The following STAM2 variants were observed in gnomAD, a reference collection of about 807,000 sequenced individuals.
STAM2 encodes signal transducing adapter molecule 2.
In STAM2, 51 loss-of-function variants were observed where a neutral mutation model predicts 65.6. The ratio of observed to expected loss-of-function variants is 0.78; its 90% CI spans 0.62 to 0.98. STAM2 has a LOEUF of 0.98. Among genes scored for constraint, STAM2 ranks in the 50% least tolerant of loss-of-function variants. STAM2 has a pLI of 0.00. For synonymous variants in STAM2, 198 were observed against 208.4 expected (o/e 0.95, Z 0.43); for missense variants, 584 against 617.8 (o/e 0.95, Z 0.58).
At chr2:152,152,119 T>G (rs1689457089) in intron 1 of STAM2, among the ~76,000 whole-genome samples, 1 of 152,176 alleles carries the variant, frequency 6.6e-6, no homozygotes, top group Non-Finnish European at 1.5e-5. Flanking sequence ...TTTCGTATTT[T>G]TTGTGGAGAC....
intron 1 of STAM2, among the ~76,000 whole-genome samples, chr2:152,160,736 G>A (rs1187219460): frequency 4.0e-5 from 6 of 149,622 alleles, no homozygotes; most frequent in East Asian, 2.0e-4. Flanking sequence ...TGCCCCATCC[G>A]GGAGGTGAGG....
intron 1 of STAM2, among the ~76,000 whole-genome samples, chr2:152,158,195 G>A (rs1387726776): frequency 1.3e-5 from 2 of 152,106 alleles, no homozygotes; most frequent in Admixed American, 6.6e-5. Flanking sequence ...TCATTAAATG[G>A]GCTGGGCGTG....
chr2:152,154,231 A>C (rs1418823206), intron 1 of STAM2, among the ~76,000 whole-genome samples: 1 of 152,138 alleles, frequency 6.6e-6, no homozygotes, highest in African/African-American at 2.4e-5. Flanking sequence ...TGGTGGAAAG[A>C]CTAGCTAGTC....
chr2:152,154,970 A>G (rs569790885), intron 1 of STAM2, among the ~76,000 whole-genome samples: 1 of 152,312 alleles, frequency 6.6e-6, no homozygotes, highest in East Asian at 1.9e-4. Context: ...TTGGTGACTC[A>G]CATAGACTAA....
intron 2 of STAM2, 81 bp from the exon 3 acceptor site, chr2:152,148,381 C>T (rs956019195): frequency 8.6e-7 from 1 of 1,160,736 alleles, no homozygotes; most frequent in Non-Finnish European, 1.2e-6. Flanking sequence ...ATTCTATTAC[C>T]AAATAATTTT....
At chr2:152,124,278 A>G (rs937129915) in intron 12 of STAM2, 3 of 192,322 alleles carry the variant, frequency 1.6e-5, no homozygotes, top group Non-Finnish European at 3.2e-5. Context: ...ACTCCCTTGA[A>G]GGGAAGCCCA....
chr2:152,167,647 C>T (rs1017180033), intron 1 of STAM2, among the ~76,000 whole-genome samples: 1 of 152,112 alleles, frequency 6.6e-6, no homozygotes, highest in African/African-American at 2.4e-5. Flanking sequence ...ATAATCCCAG[C>T]ACTTTGGGAG....
chr2:152,158,916 A>G (rs1297880766), intron 1 of STAM2, among the ~76,000 whole-genome samples: 6 of 151,374 alleles, frequency 4.0e-5, no homozygotes, highest in Non-Finnish European at 8.8e-5. Context: ...CCATCCCCCA[A>G]TACTGTTGCA....
At chr2:152,157,525 A>G (rs375734707) in intron 1 of STAM2, among the ~76,000 whole-genome samples, 1 of 152,228 alleles carries the variant, frequency 6.6e-6, no homozygotes, top group South Asian at 2.1e-4. Context: ...GAAAAGCCAT[A>G]TGAGGGCACA....
rs185587852 is a variant in STAM2, at chr2:152,155,773, T to C, written c.41-5544A>G. On this transcript the variant is annotated intron_variant, in intron 1 of 13. Transcript: ENST00000263904. Reference sequence around the variant, plus strand: ...CCTGAAGATTAAATATCTACCCACATTCTTTTCTGTATATTATTCCCCTTT... The same window carrying C: ...CCTGAAGATTAAATATCTACCCACACTCTTTTCTGTATATTATTCCCCTTT... Among the ~76,000 whole-genome samples, 334 of 152,348 alleles carry C rather than the reference T, an allele frequency of 2.2e-3. 8 individuals carry two copies. The highest frequency in any genetic ancestry group is 5.1e-4 in the Non-Finnish European group (35 of 68,022).
intron 7 of STAM2, among the ~76,000 whole-genome samples, chr2:152,140,435 T>C (rs1427946194): frequency 6.6e-6 from 1 of 152,252 alleles, no homozygotes; most frequent in Non-Finnish European, 1.5e-5. Flanking sequence ...TTTTAACTAC[T>C]GATTTCTTAA....
At chr2:152,123,717 A>G in intron 13 of STAM2, 49 bp downstream of exon 13, 1 of 1,561,676 alleles carries the variant, frequency 6.4e-7, no homozygotes, top group Non-Finnish European at 8.8e-7. Context: ...CATTCTGAAA[A>G]TCTAGGAAAA....
In STAM2 at chr2:152,117,793, AT is replaced by A. The variant is rs1688775900; in HGVS notation, c.*2780del. 6.6e-6 allele frequency: 1 copy of A among 152,172 alleles called. No homozygotes were observed. The highest frequency in any genetic ancestry group is 6.5e-5 in the Admixed American group (1 of 15,274). The allele number at this position is 152,172 out of a possible 1,614,324, so 9.4% of individuals were successfully genotyped here. On this transcript the variant is annotated 3_prime_UTR_variant, in exon 14 of 14. Transcript: ENST00000263904. Reference sequence around the variant, plus strand: ...AAAACATTTAAAATTGATTTTTTAAATTTTGAAAGTGAAATTATAACCATCT... The same window carrying A: ...AAAACATTTAAAATTGATTTTTTAAATTTGAAAGTGAAATTATAACCATCT...
chr2:152,125,539 T>C (rs1372328590), intron 12 of STAM2, among the ~76,000 whole-genome samples: 1 of 152,114 alleles, frequency 6.6e-6, no homozygotes, highest in Non-Finnish European at 1.5e-5. Context: ...ATGGGGATAC[T>C]GACAAATGTA....
chr2:152,153,108 T>C (rs1689477710), intron 1 of STAM2, among the ~76,000 whole-genome samples: 1 of 152,100 alleles, frequency 6.6e-6, no homozygotes, highest in African/African-American at 2.4e-5. Flanking sequence ...AATGATTGAG[T>C]TACAGAGCAT....
rs1172842125 is a variant in STAM2, at chr2:152,119,267, T to C, written c.*1307A>G. The C allele has an allele frequency of 6.6e-6, 1 of 152,224 alleles. No individual in the cohort carries two copies. Among genetic ancestry groups the C allele is most frequent in the Non-Finnish European group, 1.5e-5 (1 of 68,016 alleles). The allele number at this position is 152,224 out of a possible 1,614,324, so 9.4% of individuals were successfully genotyped here. On this transcript the variant is annotated 3_prime_UTR_variant, in exon 14 of 14. Transcript: ENST00000263904. ...TTTTAGGAGAGAAAACAATCCCTAC[T>C]GGTTTACTACCAAACTCTCACAGTT...
At chr2:152,141,578 T>C (rs1407176648) in intron 7 of STAM2, among the ~76,000 whole-genome samples, 1 of 151,008 alleles carries the variant, frequency 6.6e-6, no homozygotes, top group Non-Finnish European at 1.5e-5. Flanking sequence ...CAGCTCAATG[T>C]TTTTTTGTTT....
intron 13 of STAM2, among the ~76,000 whole-genome samples, chr2:152,122,861 T>A (rs1401005200): frequency 6.6e-6 from 1 of 151,080 alleles, no homozygotes; most frequent in Non-Finnish European, 1.5e-5. Flanking sequence ...AGCTCAGGAG[T>A]TTGAGACCAG....
At chr2:152,126,774 A>G (rs1042198865) in intron 11 of STAM2, among the ~76,000 whole-genome samples, 1 of 152,232 alleles carries the variant, frequency 6.6e-6, no homozygotes, top group Non-Finnish European at 1.5e-5. Flanking sequence ...CAGACTGATT[A>G]CAGGTCCAGT....
Sources: allele counts gnomAD v4.1 joint callset (sites outside exome capture counted in the v4.1 genomes callset), GRCh38; gene constraint gnomAD v4.1.1; transcripts MANE v1.5; gene names NCBI Gene and HGNC (gene_info 2026-07-23, HGNC 2026-07-21).